The following ANO7 variants were observed in gnomAD, a reference collection of about 807,000 sequenced individuals.
ANO7 encodes anoctamin-7.
Under a neutral mutation model 115.8 loss-of-function variants are expected in ANO7, and 114 were observed. That is an observed-to-expected ratio of 0.98 (90% CI 0.85 to 1.15). The LOEUF is 1.15. Among genes scored for constraint, ANO7 ranks in the 50% most tolerant of loss-of-function variants. The probability of loss-of-function intolerance (pLI) is 0.00; values close to 1 mark genes in which losing one functional copy is unlikely to be tolerated. For synonymous variants in ANO7, 550 were observed against 498.2 expected (o/e 1.10, Z -1.38); for missense variants, 1,302 against 1,201.2 (o/e 1.08, Z -1.24).
At chr2:241,194,566 C>T (rs531997211) in intron 3 of ANO7, among the ~76,000 whole-genome samples, 4 of 152,292 alleles carry the variant, frequency 2.6e-5, no homozygotes, top group African/African-American at 9.6e-5. Context: ...GATCCACCTG[C>T]CTCAGCCTCC....
chr2:241,226,614 C>T (rs189373834), downstream of ANO7, among the ~76,000 whole-genome samples: 6 of 152,176 alleles, frequency 3.9e-5, no homozygotes, highest in Middle Eastern at 3.4e-3. Context: ...TTAATAGAGA[C>T]GGGGTTTCAC....
rs548344343 is a variant in ANO7, at chr2:241,224,520, C to T, written c.*367C>T. 1.5e-3 allele frequency: 414 copies of T among 275,984 alleles called. 2 individuals carry two copies. Among genetic ancestry groups the T allele is most frequent in the Admixed American group, 3.9e-3 (81 of 20,590 alleles). The allele number at this position is 275,984 out of a possible 1,614,324, so 17.1% of individuals were successfully genotyped here. On this transcript the variant is annotated 3_prime_UTR_variant, in exon 25 of 25. Transcript: ENST00000674324. ...TGGTCCTCGCCGCCCCTGGCCACAT[C>T]GCCCTCTCCTCTTACACCTGGTGAC...
intron 21 of ANO7, among the ~76,000 whole-genome samples, chr2:241,221,535 G>T (rs1434242819): frequency 1.3e-5 from 2 of 149,784 alleles, no homozygotes; most frequent in East Asian, 3.9e-4. Context: ...ACACCCAGAT[G>T]ATTTTTTTTT....
intron 21 of ANO7, among the ~76,000 whole-genome samples, chr2:241,219,564 T>G (rs2149266912): frequency 6.6e-6 from 1 of 151,880 alleles, no homozygotes; most frequent in East Asian, 1.9e-4. Context: ...GCATACATTC[T>G]TTTCTTTTTT....
chr2:241,196,928 G>C (rs2068350198), intron 4 of ANO7, among the ~76,000 whole-genome samples: 1 of 151,958 alleles, frequency 6.6e-6, no homozygotes, highest in African/African-American at 2.4e-5. Context: ...GGGGTGCCGG[G>C]CCGAGGCATG....
chr2:241,221,062 ATTTAT>A (rs1192861809), intron 21 of ANO7, among the ~76,000 whole-genome samples: 1 of 151,422 alleles, frequency 6.6e-6, no homozygotes, highest in Non-Finnish European at 1.5e-5. Flanking sequence ...TTATTTTTTT[ATTTAT>A]TTTATTTTAT....
chr2:241,216,333 G>A, intron 19 of ANO7, 95 bp downstream of exon 19: 2 of 1,413,772 alleles, frequency 1.4e-6, no homozygotes, highest in Non-Finnish European at 1.9e-6. Context: ...ACATTCCTGT[G>A]TCTGCATCTG....
the ANO7 span, chr2:241,236,688 G>A: frequency 6.2e-7 from 1 of 1,614,152 alleles, no homozygotes; most frequent in Non-Finnish European, 8.5e-7. Flanking sequence ...CCTCCTTGGA[G>A]AGCCGGGGTC....
At chr2:241,232,400 C>T in the ANO7 span, among the ~76,000 whole-genome samples, 1 of 152,096 alleles carries the variant, frequency 6.6e-6, no homozygotes, top group Non-Finnish European at 1.5e-5. Flanking sequence ...CTCAGTCTCC[C>T]GAGTAGCTGG....
chr2:241,223,543 A>T, intron 22 of ANO7, 119 bp from the exon 23 acceptor site: 1 of 1,480,844 alleles, frequency 6.8e-7, no homozygotes, highest in Non-Finnish European at 9.1e-7. Context: ...CTTTTCCTGC[A>T]CAGCTGCTTT....
At position 241,201,288 on chromosome 2, in the gene ANO7, A is replaced by C; in HGVS notation, c.555-10A>C. The C allele has an allele frequency of 1.2e-6, 2 of 1,601,762 alleles. No homozygotes were observed. Among genetic ancestry groups the C allele is most frequent in the South Asian group, 1.1e-5 (1 of 90,120 alleles). Reference sequence around the variant, plus strand: ...CCTCCAAACCTTCTGCACTGTTCACATGCCCACAGCTTCCTCGGGAGTGAC... The same window carrying C: ...CCTCCAAACCTTCTGCACTGTTCACCTGCCCACAGCTTCCTCGGGAGTGAC... On this transcript the variant is annotated splice_polypyrimidine_tract_variant and intron_variant, in intron 6 of 24. Coordinates refer to ENST00000674324, the MANE Select transcript of ANO7 (RefSeq NM_001370694.2).
At position 241,210,539 on chromosome 2, in the gene ANO7, TG is replaced by T; in HGVS notation, c.1531del (p.Val511TyrfsTer7). The T allele has an allele frequency of 1.2e-6, 2 of 1,613,934 alleles. No individual in the cohort carries two copies. The highest frequency in any genetic ancestry group is 1.7e-6 in the Non-Finnish European group (2 of 1,179,980). ...TCATCCTCATCCTCTCCAAGATCTATGTATCCCTGGCCCACGTCCTGACACG... is the reference window on the plus strand; with the variant it reads ...TCATCCTCATCCTCTCCAAGATCTATTATCCCTGGCCCACGTCCTGACACG... ...VFILILSKIY[V>X]SLAHVLTRWE... On this transcript the variant is annotated frameshift_variant, in exon 15 of 25. Coordinates refer to ENST00000674324, the MANE Select transcript of ANO7 (RefSeq NM_001370694.2). LOFTEE classifies it high-confidence loss of function.
chr2:241,215,989 T>G, intron 18 of ANO7, 104 bp from the exon 19 acceptor site: 1 of 1,430,278 alleles, frequency 7.0e-7, no homozygotes, highest in Non-Finnish European at 9.4e-7. Context: ...GCCCTTCAAT[T>G]GCAAAGCAAC....
chr2:241,202,248 G>A lies in ANO7; in HGVS notation c.667G>A (p.Gly223Arg), dbSNP rs1433676931. 1.9e-6 allele frequency: 3 copies of A among 1,613,764 alleles called. 1 individual carries two copies. The South Asian group carries it at 3.3e-5, about 18-fold the overall frequency. ...TGGCCACGAGAAGAAAAACCTGCTT[G>A]GGATCCACCAGCTGCTGGCAGAGGG... ...PYGHEKKNLL[G>R]IHQLLAEGVL... The change falls in exon 8 of 25, where the codon GGG (glycine) becomes AGG (arginine). Residue 223 changes from glycine (G) to arginine (R), a missense_variant. Coordinates refer to ENST00000674324, the MANE Select transcript of ANO7 (RefSeq NM_001370694.2).
Position 241,199,362 on chromosome 2 carries a change from G to A in ANO7, c.356G>A (p.Ser119Asn), listed in dbSNP as rs568659741. The A allele has an allele frequency of 5.0e-5, 80 of 1,613,674 alleles. No individual in the cohort carries two copies. Among genetic ancestry groups the A allele is most frequent in the Non-Finnish European group, 6.4e-5 (76 of 1,180,002 alleles). The change falls in exon 5 of 25, where the codon AGC becomes AAC. Residue 119 changes from serine to asparagine, a missense_variant. Physicochemically the swap from Ser to Asn is conservative, Grantham distance 46. Coordinates refer to ENST00000674324, the MANE Select transcript of ANO7 (RefSeq NM_001370694.2). The stretch of plus-strand genomic sequence containing the variant: ...ACCACAGTGCACTACGCCCTCCTCA[G>A]CGCCTCCTGGGCTGTGCTCTGCTAC... ...GNTTVHYALL[S>N]ASWAVLCYYA...
At chr2:241,229,784 G>GCCC, downstream of ANO7, 1 of 1,502,546 alleles carries the variant, frequency 6.7e-7, no homozygotes. Context: ...AAGCCCGCCT[G>GCCC]CCCGCCCACC....
At chr2:241,230,995 G>A in the ANO7 span, 22 of 1,530,704 alleles carry the variant, frequency 1.4e-5, no homozygotes, top group South Asian at 7.9e-5. This position sits in a 1 kb window ranked among gnomAD's most constrained non-coding sequence, Gnocchi z 5.0. Context: ...TGGGATTCCC[G>A]TCAGGGGCAA....
At chr2:241,214,682 G>A in intron 17 of ANO7, 123 bp from the exon 18 acceptor site, 1 of 796,128 alleles carries the variant, frequency 1.3e-6, no homozygotes, top group South Asian at 1.7e-5. Context: ...AACCCTCCAG[G>A]TGCCCAAGGC....
chr2:241,198,415 G>T (rs1434516136), intron 4 of ANO7, among the ~76,000 whole-genome samples: 1 of 152,210 alleles, frequency 6.6e-6, no homozygotes, highest in African/African-American at 2.4e-5. Flanking sequence ...TGATTGGGTG[G>T]CGTGGTCCCA....
Sources: allele counts gnomAD v4.1 joint callset (sites outside exome capture counted in the v4.1 genomes callset), GRCh38; gene constraint gnomAD v4.1.1; non-coding constraint Gnocchi (gnomAD v3.1); transcripts MANE v1.5; gene names NCBI Gene and HGNC (gene_info 2026-07-23, HGNC 2026-07-21).